TRIM62: variants seen among roughly 807,000 people sequenced by gnomAD.
The protein encoded by TRIM62 is tripartite motif containing 62.
A neutral mutation model predicts 44.2 loss-of-function variants in TRIM62; 39 were observed. The ratio of observed to expected loss-of-function variants is 0.88; its 90% CI spans 0.68 to 1.15. TRIM62 has a LOEUF of 1.15. Among genes scored for constraint, TRIM62 ranks in the 50% most tolerant of loss-of-function variants. The pLI is 0.00. For synonymous variants in TRIM62, 278 were observed against 292.3 expected (o/e 0.95, Z 0.50); for missense variants, 544 against 665.5 (o/e 0.82, Z 2.01).
At chr1:33,151,623 C>A (rs540164963) in intron 4 of TRIM62, among the ~76,000 whole-genome samples, 1 of 152,174 alleles carries the variant, frequency 6.6e-6, no homozygotes, top group Non-Finnish European at 1.5e-5. Context: ...TGGGGGCTCA[C>A]TATTCTACAG....
chr1:33,148,218 C>T (rs1464953763), intron 4 of TRIM62, among the ~76,000 whole-genome samples: 1 of 152,118 alleles, frequency 6.6e-6, no homozygotes, highest in African/African-American at 2.4e-5. Flanking sequence ...AAGTTCTGCC[C>T]CACACCTTCC....
chr1:33,180,144 C>A (rs1645449606), intron 1 of TRIM62, among the ~76,000 whole-genome samples: 1 of 152,148 alleles, frequency 6.6e-6, no homozygotes, highest in Non-Finnish European at 1.5e-5. Context: ...CAACTATGCT[C>A]AGGTCACTCT....
At chr1:33,176,361 C>T (rs1381802601) in intron 1 of TRIM62, 1 of 671,262 alleles carries the variant, frequency 1.5e-6, no homozygotes, top group South Asian at 1.5e-5. Flanking sequence ...CCCCCTCCCT[C>T]CTTGGGTGGC....
Position 33,146,466 on chromosome 1 carries a change from T to C in TRIM62, c.*711A>G, listed in dbSNP as rs1449846691. 2 of 158,952 alleles carry C rather than the reference T, an allele frequency of 1.3e-5. No individual in the cohort carries two copies. Among genetic ancestry groups the C allele is most frequent in the African/African-American group, 4.8e-5 (2 of 41,496 alleles). 9.8% of individuals were successfully genotyped at this position (158,952 alleles called of 1,614,324 possible). On this transcript the variant is annotated 3_prime_UTR_variant, in exon 5 of 5. Coordinates refer to ENST00000291416, the MANE Select transcript of TRIM62 (RefSeq NM_018207.3). The stretch of plus-strand genomic sequence containing the variant: ...TGTCCTGCAGTTGCTTTTAGGCTAA[T>C]GGGCTCTGCATCAGCTTTGGGTATA...
chr1:33,162,614 C>A (rs1175817559), intron 2 of TRIM62, among the ~76,000 whole-genome samples: 1 of 152,130 alleles, frequency 6.6e-6, no homozygotes, highest in South Asian at 2.1e-4. Context: ...GAGATTGCTC[C>A]GTAGAGCTGG....
chr1:33,163,985 AGAG>A (rs1645303495), intron 2 of TRIM62: 2 of 152,530 alleles, frequency 1.3e-5, no homozygotes, highest in African/African-American at 4.8e-5. Context: ...TGGGATGTGG[AGAG>A]AAGAGAGTGC....
At chr1:33,173,614 C>A (rs1386585349) in intron 1 of TRIM62, among the ~76,000 whole-genome samples, 1 of 151,952 alleles carries the variant, frequency 6.6e-6, no homozygotes, top group Admixed American at 6.6e-5. Context: ...ACTCAGATAA[C>A]CTGAGTTCAA....
At chr1:33,174,797 G>A (rs780104870) in intron 1 of TRIM62, among the ~76,000 whole-genome samples, 31 of 151,950 alleles carry the variant, frequency 2.0e-4, no homozygotes, top group Non-Finnish European at 4.1e-4. Flanking sequence ...CCTATCTTTC[G>A]GGACCACACA....
In TRIM62 at chr1:33,181,499, C is replaced by T; in HGVS notation, c.-67G>A. On this transcript the variant is annotated 5_prime_UTR_variant, in exon 1 of 5. Transcript: ENST00000291416. This position sits in a 1 kb window ranked among gnomAD's most constrained non-coding sequence, Gnocchi z 6.5. The stretch of plus-strand genomic sequence containing the variant: ...GGCGGCTGAGAGAGCGCGGCGCTGT[C>T]GGAGGCAGCACCGAGGGCTGGGCGC... The T allele has an allele frequency of 2.0e-6, 3 of 1,499,564 alleles. No individual in the cohort carries two copies. The highest frequency in any genetic ancestry group is 2.2e-4 in the Middle Eastern group (1 of 4,456). 92.9% of individuals were successfully genotyped at this position (1,499,564 alleles called of 1,614,324 possible). A position where few individuals can be genotyped will look rare whatever the true frequency, so the allele number is the denominator to read the frequency against.
chr1:33,180,966 CGCCCGGCCCCACCTCCA>C (rs1645456633), intron 1 of TRIM62, 42 bp downstream of exon 1: 3 of 855,078 alleles, frequency 3.5e-6, no homozygotes, highest in Admixed American at 2.6e-5. Context: ...CCCCACCCCC[CGCCCGGCCCCACCTCCA>C]GCCCGGCCCC....
intron 4 of TRIM62, among the ~76,000 whole-genome samples, chr1:33,154,412 G>A (rs902252183): frequency 2.0e-5 from 3 of 152,176 alleles, no homozygotes; most frequent in Non-Finnish European, 4.4e-5. Flanking sequence ...GGCCCTGTAG[G>A]ATCTGGGGCC....
rs372526245 is a variant in TRIM62, at chr1:33,147,278, C to T, written c.1327G>A (p.Glu443Lys). The stretch of plus-strand genomic sequence containing the variant: ...GAGCAGAGCTTGCCAGGGAACTTCT[C>T]GCGGAAGGTGTAGAGCCAGGACATG... ...DDMSWLYTFR[E>K]KFPGKLCSYF... The change falls in exon 5 of 5, where the codon GAG becomes AAG. Residue 443 changes from glutamate (E) to lysine (K), a missense_variant. Glu to Lys is a moderately conservative substitution (Grantham distance 56, BLOSUM62 1). Coordinates refer to ENST00000291416, the MANE Select transcript of TRIM62 (RefSeq NM_018207.3). The surrounding 1 kb of genome is among the most constrained non-coding windows in gnomAD (Gnocchi z 8.1). The T allele has an allele frequency of 2.9e-5, 46 of 1,614,010 alleles. No individual in the cohort carries two copies. The highest frequency in any genetic ancestry group is 1.6e-4 in the Middle Eastern group (1 of 6,084).
At chr1:33,155,591 G>A (rs768513388) in intron 4 of TRIM62, among the ~76,000 whole-genome samples, 15 of 152,280 alleles carry the variant, frequency 9.9e-5, no homozygotes, top group South Asian at 2.1e-4. Flanking sequence ...GGGGCCCGAC[G>A]TTGGGGTTTA....
At position 33,159,722 on chromosome 1, in the gene TRIM62, T is replaced by A. The variant is rs750134720; in HGVS notation, c.727A>T (p.Thr243Ser). 12 of 1,611,162 alleles carry A rather than the reference T, an allele frequency of 7.4e-6. No individual in the cohort carries two copies. The South Asian group carries it at 9.9e-5, about 13-fold the overall frequency. Reference protein sequence around the residue: ...QERLAETDRHTFLAGVASLSE... With the variant: ...QERLAETDRHSFLAGVASLSE... The stretch of plus-strand genomic sequence containing the variant: ...AGTGAGGCCACCCCAGCCAGGAAGG[T>A]GTGCCGGTCGGTTTCAGCCAGCCGC... Residue 243 changes from threonine (T) to serine (S), a missense_variant, in exon 3 of 5, where the codon ACC (threonine) becomes TCC (serine). By Grantham distance (58) the Thr-to-Ser change is moderately conservative. Transcript: ENST00000291416. This position sits in a 1 kb window ranked among gnomAD's most constrained non-coding sequence, Gnocchi z 4.2.
At position 33,159,693 on chromosome 1, in the gene TRIM62, G is replaced by A. The variant is rs776489986; in HGVS notation, c.756C>T (p.Ser252=). ...HTFLAGVASL[S]ERLKGKIHET... Reference sequence around the variant, plus strand: ...CCCCGGCGGGTGGCACTTACCGCTCGGACAGTGAGGCCACCCCAGCCAGGA... The same window carrying A: ...CCCCGGCGGGTGGCACTTACCGCTCAGACAGTGAGGCCACCCCAGCCAGGA... The change falls in exon 3 of 5, where the codon TCC becomes TCT. Residue 252 remains serine (S), a synonymous_variant. Transcript: ENST00000291416. The surrounding 1 kb of genome is among the most constrained non-coding windows in gnomAD (Gnocchi z 4.2). 1.1e-5 allele frequency: 17 copies of A among 1,606,772 alleles called. No homozygotes were observed. Among genetic ancestry groups the A allele is most frequent in the Middle Eastern group, 1.7e-4 (1 of 6,054 alleles).
chr1:33,158,539 T>C (rs750278061), intron 3 of TRIM62, among the ~76,000 whole-genome samples, 171 bp from the exon 4 acceptor site: 73 of 152,344 alleles, frequency 4.8e-4, no homozygotes, highest in South Asian at 1.0e-3. Context: ...TCTCTAACCA[T>C]TCCCTCAGTC....
At position 33,177,948 on chromosome 1, in the gene TRIM62, C is replaced by CCAAAGTCACA. The variant is rs1645434756; in HGVS notation, c.408+3067_408+3076dup. 6.6e-6 allele frequency among the ~76,000 whole-genome samples: 1 copy of CCAAAGTCACA among 152,136 alleles called. No homozygotes were observed. Among genetic ancestry groups the CCAAAGTCACA allele is most frequent in the Non-Finnish European group, 1.5e-5 (1 of 68,038 alleles). On this transcript the variant is annotated intron_variant, in intron 1 of 4. Transcript: ENST00000291416. This position sits in a 1 kb window ranked among gnomAD's most constrained non-coding sequence, Gnocchi z 4.1. ...GGCTCAGAGATGGTAAATAATCTTC[C>CCAAAGTCACA]CAAAGTCACACAGTAAATGGTAGAG...
intron 1 of TRIM62, among the ~76,000 whole-genome samples, chr1:33,169,011 C>T (rs983896938): frequency 1.2e-4 from 8 of 65,906 alleles, no homozygotes; most frequent in Non-Finnish European, 2.6e-4. Flanking sequence ...GCTCCTTCCT[C>T]CTGGATCCCG....
At chr1:33,157,100 T>C (rs1242260848) in intron 4 of TRIM62, among the ~76,000 whole-genome samples, 3 of 151,906 alleles carry the variant, frequency 2.0e-5, no homozygotes, top group African/African-American at 7.3e-5. Flanking sequence ...TTCACGTCAC[T>C]TCATGGCTCC....
Sources: allele counts gnomAD v4.1 joint callset (sites outside exome capture counted in the v4.1 genomes callset), GRCh38; gene constraint gnomAD v4.1.1; non-coding constraint Gnocchi (gnomAD v3.1); transcripts MANE v1.5; gene names NCBI Gene and HGNC (gene_info 2026-07-23, HGNC 2026-07-21).